Variants in XYLB observed in about 807,000 individuals in gnomAD.
XYLB encodes xylulose kinase.
In XYLB, 62 loss-of-function variants were observed where a neutral mutation model predicts 78.7. The ratio of observed to expected loss-of-function variants is 0.79; its 90% CI spans 0.64 to 0.97. The LOEUF is 0.97. Ranked by LOEUF, XYLB falls within the 50% of genes least tolerant of loss-of-function variation. The pLI, the probability that XYLB is intolerant of heterozygous loss-of-function variation, is 0.00. For missense variants in XYLB, 687 were observed against 676.8 expected (o/e 1.02, Z -0.17); for synonymous variants, 245 against 247.4 (o/e 0.99, Z 0.09).
the XYLB span, among the ~76,000 whole-genome samples, chr3:38,434,922 C>G: frequency 1.3e-5 from 2 of 152,126 alleles, no homozygotes; most frequent in Admixed American, 1.3e-4. Flanking sequence ...TGCTTGAGGC[C>G]AGGAGTTCAA....
rs1203650418 is a variant in XYLB, at chr3:38,367,041, A to T, written c.573+168A>T. ...CATTGTCAGGACATTTCCAAAGAGG[A>T]GGGGAAGAATGGAATGTGGGAAAGA... is the stretch of plus-strand genomic sequence containing the variant. On this transcript the variant is annotated intron_variant, in intron 7 of 18. Coordinates refer to ENST00000207870, the MANE Select transcript of XYLB (RefSeq NM_005108.4). 2.0e-5 allele frequency among the ~76,000 whole-genome samples: 3 copies of T among 152,088 alleles called. No individual in the cohort carries two copies. Among genetic ancestry groups the T allele is most frequent in the Non-Finnish European group, 4.4e-5 (3 of 68,014 alleles).
intron 4 of XYLB, 99 bp from the exon 5 acceptor site, chr3:38,365,100 C>A (rs1244999737): frequency 1.9e-6 from 2 of 1,063,206 alleles, no homozygotes; most frequent in African/African-American, 1.6e-5. Context: ...AGGTGTGGAG[C>A]CCAGTTCTTT....
downstream of XYLB, among the ~76,000 whole-genome samples, chr3:38,423,573 G>A (rs1416270268): frequency 6.6e-6 from 1 of 152,172 alleles, no homozygotes; most frequent in Non-Finnish European, 1.5e-5. Flanking sequence ...GACTGTGAAT[G>A]GTTTGCATTT....
intron 15 of XYLB, among the ~76,000 whole-genome samples, chr3:38,379,753 A>G (rs538379779): frequency 6.6e-6 from 1 of 152,360 alleles, no homozygotes; most frequent in Admixed American, 6.5e-5. Flanking sequence ...CCTGTGGGAC[A>G]CAGTCTGGGT....
Position 38,408,278 on chromosome 3 carries a change from A to G in XYLB, c.1534-4658A>G, listed in dbSNP as rs543984520. On this transcript the variant is annotated intron_variant, in intron 18 of 18. Transcript: ENST00000207870. ...TGGAAACTGAACAACCTGCTCCTGAATGACTACTGGGTACATAACGAAATG... is the reference window on the plus strand; with the variant it reads ...TGGAAACTGAACAACCTGCTCCTGAGTGACTACTGGGTACATAACGAAATG... 6.4e-3 allele frequency among the ~76,000 whole-genome samples: 976 copies of G among 152,270 alleles called. 15 individuals are homozygous for G. Among genetic ancestry groups the G allele is most frequent in the African/African-American group, 0.022 (922 of 41,556 alleles).
intron 3 of XYLB, among the ~76,000 whole-genome samples, chr3:38,360,826 G>C (rs1338969187): frequency 6.6e-6 from 1 of 152,160 alleles, no homozygotes; most frequent in African/African-American, 2.4e-5. Flanking sequence ...CTGAGGTCAG[G>C]GGTTCAAGAC....
At position 38,372,866 on chromosome 3, in the gene XYLB, T is replaced by C. The variant is rs182219449; in HGVS notation, c.847+130T>C. 5.1e-3 allele frequency: 5,171 copies of C among 1,005,800 alleles called. 21 individuals are homozygous for C. Among genetic ancestry groups the C allele is most frequent in the Middle Eastern group, 0.012 (59 of 4,736 alleles). 62.3% of individuals were successfully genotyped at this position (1,005,800 alleles called of 1,614,324 possible). On this transcript the variant is annotated intron_variant, in intron 10 of 18. Transcript: ENST00000207870. ...CCTCACCACCCCCACCCATGCTGGA[T>C]GTTTGAGAATTCCAGTCCAGCCTCT... is the stretch of plus-strand genomic sequence containing the variant.
At position 38,387,000 on chromosome 3, in the gene XYLB, C is replaced by G. The variant is rs138433180; in HGVS notation, c.1291+7658C>G. Among the ~76,000 whole-genome samples the G allele has an allele frequency of 3.9e-3, 590 of 152,244 alleles. 1 individual carries two copies. Among genetic ancestry groups the G allele is most frequent in the Non-Finnish European group, 6.4e-3 (433 of 67,990 alleles). On this transcript the variant is annotated intron_variant, in intron 15 of 18. Transcript: ENST00000207870. The stretch of plus-strand genomic sequence containing the variant: ...TTCAGATAAGAAATTAACTGTCATT[C>G]TTAATGTTATTCTCCTGAATGTAAT...
intron 14 of XYLB, among the ~76,000 whole-genome samples, chr3:38,377,517 G>A (rs6776469): frequency 0.19 from 28,883 of 150,248 alleles, 2,830 homozygotes; most frequent in East Asian, 0.29. Flanking sequence ...GGACGATCTC[G>A]GCTCACTGCA....
At chr3:38,439,318 C>T in the XYLB span, among the ~76,000 whole-genome samples, 1 of 152,132 alleles carries the variant, frequency 6.6e-6, no homozygotes, top group African/African-American at 2.4e-5. Context: ...TTTGTAAGGC[C>T]ATCTGTAGCT....
the XYLB span, among the ~76,000 whole-genome samples, chr3:38,434,853 C>G: frequency 6.6e-6 from 1 of 152,148 alleles, no homozygotes; most frequent in Admixed American, 6.6e-5. Context: ...CTGATTGGAG[C>G]TAGGTGTGGT....
intron 7 of XYLB, among the ~76,000 whole-genome samples, 161 bp downstream of exon 7, chr3:38,367,034 A>C (rs1466342892): frequency 6.6e-6 from 1 of 152,156 alleles, no homozygotes; most frequent in Non-Finnish European, 1.5e-5. Context: ...GGACATTTCC[A>C]AAGAGGAGGG....
chr3:38,410,374 A>G (rs1213476437), intron 18 of XYLB, among the ~76,000 whole-genome samples: 5 of 152,228 alleles, frequency 3.3e-5, no homozygotes, highest in Non-Finnish European at 7.3e-5. Context: ...ACCTTATACA[A>G]AAATCAATTC....
intron 2 of XYLB, among the ~76,000 whole-genome samples, chr3:38,350,804 T>C (rs912438743): frequency 3.9e-5 from 6 of 152,076 alleles, no homozygotes; most frequent in Non-Finnish European, 8.8e-5. Flanking sequence ...TTCAAAATAT[T>C]TTTTAGTTCT....
Position 38,346,862 on chromosome 3 carries a change from A to G in XYLB, c.-7A>G. 2 of 1,516,370 alleles carry G rather than the reference A, an allele frequency of 1.3e-6. No individual in the cohort carries two copies. The highest frequency in any genetic ancestry group is 2.1e-5 in the Admixed American group (1 of 47,942). 93.9% of individuals were successfully genotyped at this position (1,516,370 alleles called of 1,614,324 possible). Reference sequence around the variant, plus strand: ...ACTGACGGACGCGCAGCCTTACCCGAAAGGCCATGGCGGAGCACGCCCCTC... The same window carrying G: ...ACTGACGGACGCGCAGCCTTACCCGGAAGGCCATGGCGGAGCACGCCCCTC... On this transcript the variant is annotated 5_prime_UTR_variant, in exon 1 of 19. Coordinates refer to ENST00000207870, the MANE Select transcript of XYLB (RefSeq NM_005108.4).
chr3:38,412,634 G>A (rs1708641398), intron 18 of XYLB, among the ~76,000 whole-genome samples: 1 of 152,144 alleles, frequency 6.6e-6, no homozygotes, highest in African/African-American at 2.4e-5. Context: ...TGTATCACCA[G>A]CTTTCACCAG....
chr3:38,444,308 A>G, the XYLB span, among the ~76,000 whole-genome samples: 1 of 152,200 alleles, frequency 6.6e-6, no homozygotes, highest in Admixed American at 6.5e-5. Flanking sequence ...CATAACTGAT[A>G]GCCTGGGGGT....
intron 15 of XYLB, among the ~76,000 whole-genome samples, chr3:38,394,335 T>C (rs1055362879): frequency 2.6e-5 from 4 of 152,132 alleles, no homozygotes; most frequent in Admixed American, 6.5e-5. Context: ...TTGTATTTGA[T>C]AGTTGATTAT....
intron 6 of XYLB, 28 bp downstream of exon 6, chr3:38,365,764 G>A: frequency 1.3e-6 from 2 of 1,596,702 alleles, no homozygotes; most frequent in East Asian, 2.3e-5. Flanking sequence ...GGGGTGCAGG[G>A]GGTGGTCTGG....
Sources: gnomAD v4.1 joint callset for allele counts (sites outside exome capture counted in the v4.1 genomes callset) on GRCh38, gnomAD v4.1.1 for gene constraint, MANE v1.5 for transcripts, NCBI Gene and HGNC (gene_info 2026-07-23, HGNC 2026-07-21) for gene names.